DDX6: variants seen among roughly 807,000 people sequenced by gnomAD.
The protein encoded by DDX6 is probable ATP-dependent RNA helicase DDX6.
In DDX6, 7 loss-of-function variants were observed where a neutral mutation model predicts 60.6. The ratio of observed to expected loss-of-function variants is 0.12; its 90% CI spans 0.07 to 0.22. DDX6 has a LOEUF of 0.22. Ranked by LOEUF, DDX6 falls within the 10% of genes least tolerant of loss-of-function variation. The probability of loss-of-function intolerance (pLI) is 1.00; values close to 1 mark genes in which losing one functional copy is unlikely to be tolerated. For missense variants in DDX6, 270 were observed against 589.9 expected (o/e 0.46, Z 5.62); for synonymous variants, 207 against 201.0 (o/e 1.03, Z -0.25).
chr11:118,754,533 C>A, intron 13 of DDX6, 172 bp downstream of exon 13: 1 of 514,598 alleles, frequency 1.9e-6, no homozygotes, highest in Non-Finnish European at 3.3e-6. Flanking sequence ...TACAGATTCT[C>A]GAATGAGACT....
chr11:118,790,580 TC>T (rs1243057176), intron 1 of DDX6, among the ~76,000 whole-genome samples: 1 of 151,546 alleles, frequency 6.6e-6, no homozygotes, highest in Non-Finnish European at 1.5e-5. Flanking sequence ...TCCACCATCA[TC>T]CCCCTAAGTC....
chr11:118,753,332 G>A (rs1245383185), intron 13 of DDX6, among the ~76,000 whole-genome samples: 2 of 131,560 alleles, frequency 1.5e-5, no homozygotes, highest in Non-Finnish European at 3.1e-5. Flanking sequence ...GCCAGCCCAA[G>A]TGGCTTTTTT....
chr11:118,790,518 A>G (rs913894444), intron 1 of DDX6, among the ~76,000 whole-genome samples: 4 of 151,952 alleles, frequency 2.6e-5, no homozygotes, highest in African/African-American at 2.4e-5. Context: ...CGAGCCCTCC[A>G]ATACAGCATG....
At position 118,749,438 on chromosome 11, in the gene DDX6, G is replaced by C. The variant is rs537928917; in HGVS notation, c.*2667C>G. On this transcript the variant is annotated 3_prime_UTR_variant, in exon 14 of 14. Transcript: ENST00000534980. ...TTTCCATTTAACAATTCCTATTCAA[G>C]AGTCAAGCACCAAAACTGGACAGCT... 5 of 140,508 alleles carry C rather than the reference G, an allele frequency of 3.6e-5. No individual in the cohort carries two copies. Among genetic ancestry groups the C allele is most frequent in the Non-Finnish European group, 6.1e-5 (4 of 65,650 alleles). 8.7% of individuals were successfully genotyped at this position (140,508 alleles called of 1,614,324 possible). A position where few individuals can be genotyped will look rare whatever the true frequency, so the allele number is the denominator to read the frequency against.
In DDX6 at chr11:118,768,244, G is replaced by A. The variant is rs782118557; in HGVS notation, c.478C>T (p.Leu160=). The A allele has an allele frequency of 1.2e-6, 2 of 1,613,784 alleles. No individual in the cohort carries two copies. Among genetic ancestry groups the A allele is most frequent in the South Asian group, 2.2e-5 (2 of 91,062 alleles). The change falls in exon 5 of 14, where the codon CTG becomes TTG. Residue 160 remains leucine, a synonymous_variant. Transcript: ENST00000534980. ...YLIPLLERLD[L]KKDNIQAMVI... is the part of the protein sequence containing the mutation. ...TAACCTTGTATATTGTCCTTCTTCA[G>A]GTCTAGCCGTTCAAGTAAGGGAATG... is the stretch of plus-strand genomic sequence containing the variant.
chr11:118,760,753 G>A (rs1026185681), intron 7 of DDX6, among the ~76,000 whole-genome samples: 3 of 150,786 alleles, frequency 2.0e-5, no homozygotes, highest in Admixed American at 1.3e-4. Flanking sequence ...CTTGGGAGGC[G>A]GACGCTGCAG....
chr11:118,779,764 G>T (rs782240230), intron 3 of DDX6, 28 bp from the exon 4 acceptor site: 4 of 1,491,942 alleles, frequency 2.7e-6, no homozygotes, highest in African/African-American at 2.8e-5. Flanking sequence ...AACAATAAAA[G>T]AATAAATAAC....
At chr11:118,776,705 C>T (rs782269215) in intron 4 of DDX6, among the ~76,000 whole-genome samples, 2 of 151,824 alleles carry the variant, frequency 1.3e-5, no homozygotes, top group Non-Finnish European at 2.9e-5. Flanking sequence ...CTGTGGTGCA[C>T]GCCTGTAGTC....
At chr11:118,757,114 CAAAAT>C (rs1187082579) in intron 10 of DDX6, 52 bp downstream of exon 10, 7 of 951,986 alleles carry the variant, frequency 7.4e-6, no homozygotes, top group South Asian at 4.0e-5. Flanking sequence ...AACATTAAAA[CAAAAT>C]AAAGAAAGAG....
intron 6 of DDX6, among the ~76,000 whole-genome samples, chr11:118,764,533 G>A (rs577326335): frequency 2.6e-5 from 4 of 152,156 alleles, no homozygotes; most frequent in Admixed American, 6.5e-5. Flanking sequence ...GGCCGGGCAC[G>A]GTGGCTCACG....
intron 5 of DDX6, chr11:118,767,626 C>CCTT (rs781894317): frequency 1.7e-4 from 15 of 88,730 alleles, no homozygotes; most frequent in African/African-American, 6.3e-4. Context: ...CCTCAGCCGC[C>CCTT]TTTTTTTTTT....
intron 13 of DDX6, among the ~76,000 whole-genome samples, chr11:118,753,512 G>C (rs1860855595): frequency 6.6e-6 from 1 of 150,846 alleles, no homozygotes. Context: ...GCTAATTTTT[G>C]TATTTTTAGT....
intron 8 of DDX6, 56 bp from the exon 9 acceptor site, chr11:118,758,958 T>TC: frequency 6.2e-7 from 1 of 1,604,534 alleles, no homozygotes; most frequent in Non-Finnish European, 8.5e-7. Flanking sequence ...GCAGAGTTCA[T>TC]CTCAAATTCA....
At chr11:118,763,712 T>C (rs1389764856) in intron 6 of DDX6, among the ~76,000 whole-genome samples, 2 of 151,602 alleles carry the variant, frequency 1.3e-5, no homozygotes, top group African/African-American at 4.9e-5. Context: ...TGGGAGCCTG[T>C]AATCCCAGCT....
chr11:118,777,911 A>C (rs1555163907), intron 4 of DDX6, among the ~76,000 whole-genome samples: 2 of 151,104 alleles, frequency 1.3e-5, no homozygotes, highest in Admixed American at 6.6e-5. Flanking sequence ...AAAAAAAAAA[A>C]AAACCAAGAA....
rs1202310673 is a variant in DDX6, at chr11:118,747,811, A to AT, written c.*4293dup. 3 of 151,352 alleles carry AT rather than the reference A, an allele frequency of 2.0e-5. No individual in the cohort carries two copies. The East Asian group carries it at 5.9e-4, about 30-fold the overall frequency. The allele number at this position is 151,352 out of a possible 1,614,324, so 9.4% of individuals were successfully genotyped here. On this transcript the variant is annotated 3_prime_UTR_variant, in exon 14 of 14. Transcript: ENST00000534980. ...TTGAGATAAATTAACAAAAACCAAG[A>AT]TTTTACCATATTTTTGGAACCTTAT...
At position 118,771,274 on chromosome 11, in the gene DDX6, G is replaced by C. The variant is rs891064050; in HGVS notation, c.370-2922C>G. Among the ~76,000 whole-genome samples, 16 of 148,222 alleles carry C rather than the reference G, an allele frequency of 1.1e-4. No homozygotes were observed. The East Asian group carries it at 3.0e-3, about 28-fold the overall frequency. On this transcript the variant is annotated intron_variant, in intron 4 of 13. Transcript: ENST00000534980. ...TTTTTCAATCAAGTGAGGCAGAACA[G>C]AATTAGACTAGAGGTATCCTAATCC...
chr11:118,782,241 C>A (rs782636420), intron 2 of DDX6, among the ~76,000 whole-genome samples: 8 of 152,128 alleles, frequency 5.3e-5, no homozygotes, highest in Non-Finnish European at 1.2e-4. Context: ...GCACTCAGCA[C>A]AGTGCCTGGC....
At chr11:118,754,433 TTC>T (rs370755973) in intron 13 of DDX6, among the ~76,000 whole-genome samples, 4 of 152,284 alleles carry the variant, frequency 2.6e-5, no homozygotes, top group African/African-American at 9.6e-5. Flanking sequence ...CTGAAAAACA[TTC>T]TTTTTTGCTT....
Sources: gnomAD v4.1 joint callset for allele counts (sites outside exome capture counted in the v4.1 genomes callset) on GRCh38, gnomAD v4.1.1 for gene constraint, MANE v1.5 for transcripts, NCBI Gene and HGNC (gene_info 2026-07-23, HGNC 2026-07-21) for gene names.